BCL9: variants seen among roughly 807,000 people sequenced by gnomAD.
BCL9 encodes BCL9 transcription coactivator.
Under a neutral mutation model 88.5 loss-of-function variants are expected in BCL9, and 25 were observed. The observed-to-expected ratio is 0.28, with a 90% CI of 0.21 to 0.39. BCL9 has a LOEUF of 0.39. Ranked by LOEUF, BCL9 falls within the 10% of genes least tolerant of loss-of-function variation. The pLI, the probability that BCL9 is intolerant of heterozygous loss-of-function variation, is 1.00. For synonymous variants in BCL9, 711 were observed against 673.3 expected, an observed-to-expected ratio of 1.06 and a Z score of -0.87; for missense variants, 1,817 against 1,877.8, an observed-to-expected ratio of 0.97 and a Z score of 0.60.
intron 3 of BCL9, among the ~76,000 whole-genome samples, chr1:147,610,697 G>T (rs1657952830): frequency 6.6e-6 from 1 of 152,188 alleles, no homozygotes. Context: ...AATTACCCTG[G>T]GAGGGAGCAG....
intron 1 of BCL9, among the ~76,000 whole-genome samples, chr1:147,544,860 T>C (rs1249254751): frequency 6.6e-6 from 1 of 152,158 alleles, no homozygotes; most frequent in African/African-American, 2.4e-5. Flanking sequence ...CTCTTCCTCC[T>C]ATTTGTGGCC....
intron 1 of BCL9, among the ~76,000 whole-genome samples, chr1:147,588,571 C>A (rs1280588997): frequency 6.6e-6 from 1 of 152,068 alleles, no homozygotes; most frequent in Non-Finnish European, 1.5e-5. Context: ...TGGGAGCACC[C>A]CCTCCCAGAA....
chr1:147,619,163 G>A lies in BCL9; in HGVS notation c.1008G>A (p.Val336=). ...ADPKAPPPPP[V]SSGEPPTLGE... is the part of the protein sequence containing the mutation. The stretch of plus-strand genomic sequence containing the variant: ...CCAAAGCCCCTCCGCCTCCACCAGT[G>A]TCCAGTGGCGAGCCCCCCACACTGG... Residue 336 remains valine, a synonymous_variant, in exon 8 of 10, where the codon GTG becomes GTA. Coordinates refer to ENST00000234739, the MANE Select transcript of BCL9 (RefSeq NM_004326.4). The surrounding 1 kb of genome is among the most constrained non-coding windows in gnomAD (Gnocchi z 4.1). 1.9e-6 allele frequency: 3 copies of A among 1,613,312 alleles called. No individual in the cohort carries two copies. The highest frequency in any genetic ancestry group is 2.5e-6 in the Non-Finnish European group (3 of 1,179,590).
At chr1:147,621,627 A>T (rs1658654118) in intron 8 of BCL9, among the ~76,000 whole-genome samples, 1 of 152,162 alleles carries the variant, frequency 6.6e-6, no homozygotes, top group Non-Finnish European at 1.5e-5. Context: ...GTGGGACTAG[A>T]GGTGGTCAGT....
chr1:147,583,453 T>G (rs1656456740), intron 1 of BCL9, among the ~76,000 whole-genome samples: 1 of 151,624 alleles, frequency 6.6e-6, no homozygotes, highest in African/African-American at 2.4e-5. Flanking sequence ...AATTTTTGTA[T>G]TTTTAGTAGA....
At position 147,619,747 on chromosome 1, in the gene BCL9, C is replaced by T. The variant is rs782147515; in HGVS notation, c.1592C>T (p.Thr531Ile). The T allele has an allele frequency of 2.5e-6, 4 of 1,613,914 alleles. No homozygotes were observed. In the East Asian group the frequency reaches 8.9e-5, roughly 36 times the overall value. Residue 531 changes from threonine to isoleucine, a missense_variant, in exon 8 of 10, where the codon ACA becomes ATA. This residue lies in a region of BCL9 where 1,228 missense variants were observed against 1,191.6 expected (regional missense o/e 1.03). Transcript: ENST00000234739. The surrounding 1 kb of genome is among the most constrained non-coding windows in gnomAD (Gnocchi z 4.1). ...TPSEGWAPGG[T>I]EPFSDGINMP... ...AGTGAAGGCTGGGCACCTGGGGGTACAGAGCCATTTTCTGATGGTATCAAC... is the reference window on the plus strand; with the variant it reads ...AGTGAAGGCTGGGCACCTGGGGGTATAGAGCCATTTTCTGATGGTATCAAC...
chr1:147,595,069 T>C (rs1344847444), intron 1 of BCL9, among the ~76,000 whole-genome samples: 2 of 152,060 alleles, frequency 1.3e-5, no homozygotes, highest in Admixed American at 1.3e-4. Context: ...TTTGGAGTAA[T>C]TGCTGTGGAA....
intron 7 of BCL9, among the ~76,000 whole-genome samples, 181 bp downstream of exon 7, chr1:147,616,083 C>T (rs587756016): frequency 2.0e-4 from 31 of 152,236 alleles, no homozygotes; most frequent in African/African-American, 6.0e-4. Context: ...GCCTTTTCTA[C>T]GAGAAAGCTG....
intron 5 of BCL9, 37 bp downstream of exon 5, chr1:147,613,236 AG>A (rs1553203055): frequency 6.2e-7 from 1 of 1,610,576 alleles, no homozygotes; most frequent in Non-Finnish European, 8.5e-7. Flanking sequence ...AGAGGGAAGT[AG>A]GTGTTCCTGA....
rs782398061 is a variant in BCL9 at position 147,624,789 on chromosome 1, C to T, written c.4111C>T (p.His1371Tyr). ...KDRGPAGLYT[H>Y]PGPVGSPGMM... Reference sequence around the variant, plus strand: ...TCGGGGGCCTGCCGGGCTCTACACCCACCCTGGGCCTGTGGGCTCTCCAGG... The same window carrying T: ...TCGGGGGCCTGCCGGGCTCTACACCTACCCTGGGCCTGTGGGCTCTCCAGG... The change falls in exon 10 of 10, where the codon CAC (histidine) becomes TAC (tyrosine). Residue 1371 changes from histidine (H) to tyrosine (Y), a missense_variant. Around this residue, in one of 2 missense-constraint regions of BCL9, gnomAD observed 589 missense variants for 686.2 expected, o/e 0.86. Transcript: ENST00000234739. This position sits in a 1 kb window ranked among gnomAD's most constrained non-coding sequence, Gnocchi z 4.4. 1 of 1,614,140 alleles carries T rather than the reference C, an allele frequency of 6.2e-7. No homozygotes were observed. Among genetic ancestry groups the T allele is most frequent in the Non-Finnish European group, 8.5e-7 (1 of 1,179,992 alleles).
At chr1:147,579,222 T>C (rs1656253468) in intron 1 of BCL9, among the ~76,000 whole-genome samples, 1 of 152,198 alleles carries the variant, frequency 6.6e-6, no homozygotes, top group African/African-American at 2.4e-5. Context: ...GACAGTCCAT[T>C]CAACTTCCAT....
At chr1:147,605,207 A>G (rs1553201822) in intron 2 of BCL9, among the ~76,000 whole-genome samples, 1 of 152,206 alleles carries the variant, frequency 6.6e-6, no homozygotes, top group Non-Finnish European at 1.5e-5. Flanking sequence ...ATGCAAGGTA[A>G]AGGTAGCAAT....
intron 1 of BCL9, among the ~76,000 whole-genome samples, chr1:147,603,644 G>A (rs1657511730): frequency 6.6e-6 from 1 of 151,442 alleles, no homozygotes; most frequent in South Asian, 2.1e-4. Flanking sequence ...TGGGATTACA[G>A]GTACACGCTA....
chr1:147,546,323 G>A (rs1479614616), intron 1 of BCL9, among the ~76,000 whole-genome samples: 2 of 150,572 alleles, frequency 1.3e-5, no homozygotes, highest in Admixed American at 6.6e-5. Context: ...GGGTGACAGA[G>A]TAAGACTCCA....
intron 1 of BCL9, among the ~76,000 whole-genome samples, chr1:147,596,408 T>TTC (rs1351409113): frequency 0.16 from 145 of 896 alleles, 7 homozygotes; most frequent in East Asian, 0.45. Context: ...CTTTCTTTTT[T>TTC]TTCTTTTCTT....
intron 1 of BCL9, among the ~76,000 whole-genome samples, chr1:147,580,144 C>A (rs1353448115): frequency 6.6e-6 from 1 of 152,096 alleles, no homozygotes. Flanking sequence ...TTCCAAAGGT[C>A]TTGGGGAACA....
Position 147,607,717 on chromosome 1 carries a change from G to A in BCL9, c.-260+851G>A, listed in dbSNP as rs147100472. 4.1e-3 allele frequency among the ~76,000 whole-genome samples: 626 copies of A among 152,214 alleles called. 10 individuals are homozygous for A. The highest frequency in any genetic ancestry group is 3.4e-3 in the Middle Eastern group (1 of 294). ...ATCAAGAATTACTTCCAAATTTCTG[G>A]CATGAGCAACTGGGTGGATAAAGGA... On this transcript the variant is annotated intron_variant, in intron 3 of 9. Coordinates refer to ENST00000234739, the MANE Select transcript of BCL9 (RefSeq NM_004326.4).
rs782567466 is a variant in BCL9 at position 147,551,196 on chromosome 1, T to G, written c.-478+9522T>G. 9.8e-5 allele frequency among the ~76,000 whole-genome samples: 15 copies of G among 152,338 alleles called. No homozygotes were observed. In the Middle Eastern group the frequency reaches 0.01, roughly 104 times the overall value. On this transcript the variant is annotated intron_variant, in intron 1 of 9. Coordinates refer to ENST00000234739, the MANE Select transcript of BCL9 (RefSeq NM_004326.4). ...GCTATTAATACCTTCATCTCATAGT[T>G]GAGGACACTGCGGTCTAGAGAGTAT...
chr1:147,544,368 G>C, intron 1 of BCL9, among the ~76,000 whole-genome samples: 1 of 152,070 alleles, frequency 6.6e-6, no homozygotes, highest in African/African-American at 2.4e-5. Context: ...TATTCACAGG[G>C]AGCCCAGCAA....
Sources: gnomAD v4.1 joint callset for allele counts (sites outside exome capture counted in the v4.1 genomes callset) on GRCh38, gnomAD v4.1.1 for gene constraint, gnomAD v4.1.1 regional missense constraint, Gnocchi (gnomAD v3.1) non-coding constraint, MANE v1.5 for transcripts, NCBI Gene and HGNC (gene_info 2026-07-23, HGNC 2026-07-21) for gene names.